The following LGR4 variants were observed in gnomAD, a reference collection of about 807,000 sequenced individuals.
LGR4 encodes the protein leucine rich repeat containing G protein-coupled receptor 4.
LGR4 carries 44 observed loss-of-function variants against 84.8 expected under a neutral mutation model. That is an observed-to-expected ratio of 0.52 (90% confidence interval 0.41 to 0.67). The LOEUF (loss-of-function observed/expected upper bound fraction) is 0.67, where lower values mean the gene tolerates loss of function less well. Among genes scored for constraint, LGR4 ranks in the 30% least tolerant of loss-of-function variants. The pLI, the probability that LGR4 is intolerant of heterozygous loss-of-function variation, is 0.00. For synonymous variants in LGR4, 429 were observed against 434.3 expected (o/e 0.99, Z 0.15); for missense variants, 1,032 against 1,131.4 (o/e 0.91, Z 1.26).
rs546206909 is a variant in LGR4 at position 27,380,274 on chromosome 11, C to T, written c.968G>A (p.Ser323Asn). The change falls in exon 10 of 18, where the codon AGT becomes AAT. Residue 323 changes from serine (S) to asparagine (N), a missense_variant. Transcript: ENST00000379214. Reference protein sequence around the residue: ...PNLTGTVHLESLTLTGTKISS... With the variant: ...PNLTGTVHLENLTLTGTKISS... ...CTCTTCAAAGGGCCTTACTTACAGA[C>T]TTTCCAGGTGGACAGTTCCTGTAAG... 1.2e-6 allele frequency: 2 copies of T among 1,605,360 alleles called. No homozygotes were observed. The highest frequency in any genetic ancestry group is 2.2e-5 in the East Asian group (1 of 44,774).
At chr11:27,392,171 G>T (rs957772279) in intron 3 of LGR4, among the ~76,000 whole-genome samples, 1 of 152,142 alleles carries the variant, frequency 6.6e-6, no homozygotes, top group African/African-American at 2.4e-5. Flanking sequence ...ACTGAAGTAA[G>T]GGTTTGCTCC....
intron 1 of LGR4, among the ~76,000 whole-genome samples, chr11:27,433,332 A>T (rs1046607693): frequency 6.0e-5 from 9 of 150,698 alleles, no homozygotes; most frequent in African/African-American, 2.2e-4. Context: ...CCTGCCTCAG[A>T]CTCCCCAGTA....
At chr11:27,405,176 AAAG>A (rs1445768796) in intron 2 of LGR4, among the ~76,000 whole-genome samples, 1 of 152,188 alleles carries the variant, frequency 6.6e-6, no homozygotes, top group Non-Finnish European at 1.5e-5. Context: ...AAAAATACTT[AAAG>A]AAGTCAAGGC....
At chr11:27,383,016 AAAAAAAATAAAAAAT>A (rs1201432516) in intron 6 of LGR4, among the ~76,000 whole-genome samples, 23 of 151,946 alleles carry the variant, frequency 1.5e-4, no homozygotes, top group African/African-American at 3.9e-4. Context: ...ACTCTGTCTC[AAAAAAAATAAAAAAT>A]AAAAAAATAA....
At chr11:27,402,354 A>G (rs1394397823) in intron 2 of LGR4, among the ~76,000 whole-genome samples, 1 of 152,126 alleles carries the variant, frequency 6.6e-6, no homozygotes. Context: ...CTGTCTGAAT[A>G]TTCTATGTGG....
intron 1 of LGR4, among the ~76,000 whole-genome samples, chr11:27,461,999 C>A (rs1344405033): frequency 2.6e-5 from 4 of 151,652 alleles, no homozygotes; most frequent in Non-Finnish European, 5.9e-5. Context: ...AGCCTAATTT[C>A]TTTTTTGTAT....
chr11:27,403,605 T>C (rs770970814), intron 2 of LGR4, among the ~76,000 whole-genome samples: 1 of 152,194 alleles, frequency 6.6e-6, no homozygotes, highest in Non-Finnish European at 1.5e-5. Context: ...AAGGCAGATA[T>C]AGCATAAGTG....
chr11:27,462,788 G>A (rs1471995754), intron 1 of LGR4, among the ~76,000 whole-genome samples: 1 of 151,988 alleles, frequency 6.6e-6, no homozygotes, highest in Non-Finnish European at 1.5e-5. Flanking sequence ...GAAATGCTAA[G>A]TCCAAAGTGG....
intron 1 of LGR4, among the ~76,000 whole-genome samples, chr11:27,437,910 G>C (rs1864239411): frequency 6.6e-6 from 1 of 151,978 alleles, no homozygotes. Flanking sequence ...ACAGGGGTGA[G>C]GTGGCTGAGA....
chr11:27,381,581 C>G (rs1446053467), intron 7 of LGR4, among the ~76,000 whole-genome samples: 1 of 152,080 alleles, frequency 6.6e-6, no homozygotes, highest in Admixed American at 6.6e-5. Flanking sequence ...ACCCAGGAAG[C>G]TAAGATGGGA....
At chr11:27,447,627 C>T (rs1864414736) in intron 1 of LGR4, among the ~76,000 whole-genome samples, 1 of 152,132 alleles carries the variant, frequency 6.6e-6, no homozygotes, top group Non-Finnish European at 1.5e-5. Flanking sequence ...CAATTTATTC[C>T]TTTACATTCT....
chr11:27,379,375 T>C lies in LGR4; in HGVS notation c.972-607A>G, dbSNP rs564596517. Among the ~76,000 whole-genome samples, 9 of 152,320 alleles carry C rather than the reference T, an allele frequency of 5.9e-5. No individual in the cohort carries two copies. In the South Asian group the frequency reaches 8.3e-4, roughly 14 times the overall value. On this transcript the variant is annotated intron_variant, in intron 10 of 17. Transcript: ENST00000379214. ...AAGACCTGGAGCTGTCATAATTCAA[T>C]GTGTTCATCTGGTCAGGTAGACTAT... is the stretch of plus-strand genomic sequence containing the variant.
In LGR4 at chr11:27,380,894, C is replaced by T. The variant is rs1287369559; in HGVS notation, c.830+1G>A. Reference sequence around the variant, plus strand: ...TAAAAGAAACTTTCAAAAATACTTACATAGTTCTTAAGAGTGGATTACCAT... The same window carrying T: ...TAAAAGAAACTTTCAAAAATACTTATATAGTTCTTAAGAGTGGATTACCAT... On this transcript the variant is annotated splice_donor_variant, in intron 8 of 17. Coordinates refer to ENST00000379214, the MANE Select transcript of LGR4 (RefSeq NM_018490.5). LOFTEE classifies it high-confidence loss of function. 6.6e-7 allele frequency: 1 copy of T among 1,517,420 alleles called. No homozygotes were observed. Among genetic ancestry groups the T allele is most frequent in the Non-Finnish European group, 9.1e-7 (1 of 1,093,692 alleles). The allele number at this position is 1,517,420 out of a possible 1,614,324, so 94.0% of individuals were successfully genotyped here.
rs780915503 is a variant in LGR4, at chr11:27,368,476, G to C, written c.2247C>G (p.Val749=). Residue 749 remains valine (V), a synonymous_variant, in exon 18 of 18, where the codon GTC becomes GTG. Coordinates refer to ENST00000379214, the MANE Select transcript of LGR4 (RefSeq NM_018490.5). ...ENSQSSMIKH[V]AWLIFTNCIF... Reference sequence around the variant, plus strand: ...TGCAATTGGTGAAGATTAGCCAAGCGACATGCTTAATCATGCTAGATTGTG... The same window carrying C: ...TGCAATTGGTGAAGATTAGCCAAGCCACATGCTTAATCATGCTAGATTGTG... 1.1e-5 allele frequency: 17 copies of C among 1,614,062 alleles called. No homozygotes were observed. In the African/African-American group the frequency reaches 2.1e-4, roughly 20 times the overall value.
At position 27,472,623 on chromosome 11, in the gene LGR4, C is replaced by G. The variant is rs1336897770; in HGVS notation, c.-321G>C. 5.5e-6 allele frequency: 2 copies of G among 362,586 alleles called. No individual in the cohort carries two copies. Among genetic ancestry groups the G allele is most frequent in the African/African-American group, 4.2e-5 (2 of 47,084 alleles). The allele number at this position is 362,586 out of a possible 1,614,324, so 22.5% of individuals were successfully genotyped here. A position where few individuals can be genotyped will look rare whatever the true frequency, so the allele number is the denominator to read the frequency against. On this transcript the variant is annotated 5_prime_UTR_variant, in exon 1 of 18. Transcript: ENST00000379214. ...GCACCGGTCTCCCTGTCCCTGGCCTCTCAATGCAGCGGCTCTTCAAGGTTG... is the reference window on the plus strand; with the variant it reads ...GCACCGGTCTCCCTGTCCCTGGCCTGTCAATGCAGCGGCTCTTCAAGGTTG...
At chr11:27,420,301 G>C (rs2133407892) in intron 1 of LGR4, among the ~76,000 whole-genome samples, 1 of 152,268 alleles carries the variant, frequency 6.6e-6, no homozygotes, top group East Asian at 1.9e-4. Flanking sequence ...ATTTGTAGCA[G>C]AACACTGGGT....
At chr11:27,446,890 A>G (rs1442291337) in intron 1 of LGR4, among the ~76,000 whole-genome samples, 1 of 152,046 alleles carries the variant, frequency 6.6e-6, no homozygotes, top group South Asian at 2.1e-4. Context: ...TTGTAGGGAC[A>G]TGGATGAAGC....
At chr11:27,385,498 T>C (rs778007692) in intron 4 of LGR4, 30 bp from the exon 5 acceptor site, 3 of 1,440,710 alleles carry the variant, frequency 2.1e-6, no homozygotes, top group East Asian at 2.3e-5. Context: ...CCATGTTCAG[T>C]AACAAATTCT....
At chr11:27,441,737 T>TGAG (rs1455473268) in intron 1 of LGR4, among the ~76,000 whole-genome samples, 1 of 152,050 alleles carries the variant, frequency 6.6e-6, no homozygotes, top group Non-Finnish European at 1.5e-5. Context: ...AAGGCTGAAG[T>TGAG]GGAGTTGAGA....
Sources: allele counts gnomAD v4.1 joint callset (sites outside exome capture counted in the v4.1 genomes callset), GRCh38; gene constraint gnomAD v4.1.1; transcripts MANE v1.5; gene names NCBI Gene and HGNC (gene_info 2026-07-23, HGNC 2026-07-21).